AKAP6: variants seen among roughly 807,000 people sequenced by gnomAD.
AKAP6 encodes the protein A-kinase anchor protein 6.
AKAP6 carries 58 observed loss-of-function variants against 188.5 expected under a neutral mutation model. The ratio of observed to expected loss-of-function variants is 0.31; its 90% CI spans 0.25 to 0.38. The LOEUF is 0.38. AKAP6 is among the 10% of genes least tolerant of loss of function. AKAP6 has a pLI of 1.00. For missense variants in AKAP6, 2,710 were observed against 2,740.0 expected, an observed-to-expected ratio of 0.99 and a Z score of 0.24; for synonymous variants, 989 against 998.6, an observed-to-expected ratio of 0.99 and a Z score of 0.18.
intron 7 of AKAP6, among the ~76,000 whole-genome samples, chr14:32,627,621 T>C (rs1005225320): frequency 6.6e-6 from 1 of 152,114 alleles, no homozygotes; most frequent in African/African-American, 2.4e-5. Context: ...GTCTCTTCTC[T>C]TTTTTCTAGC....
At chr14:32,567,502 A>AGTAT (rs1884254377) in intron 4 of AKAP6, among the ~76,000 whole-genome samples, 1 of 152,204 alleles carries the variant, frequency 6.6e-6, no homozygotes. Flanking sequence ...TTGCTCGTTC[A>AGTAT]GTATGATAAA....
intron 1 of AKAP6, among the ~76,000 whole-genome samples, chr14:32,402,546 AATG>A: frequency 6.6e-6 from 1 of 152,264 alleles, no homozygotes; most frequent in Middle Eastern, 3.4e-3. Context: ...CCAAGCTAGA[AATG>A]ATATTTCTTT....
chr14:32,799,725 A>G (rs1286659315), intron 12 of AKAP6, among the ~76,000 whole-genome samples: 1 of 152,050 alleles, frequency 6.6e-6, no homozygotes, highest in Non-Finnish European at 1.5e-5. Context: ...TTTGTGGCCC[A>G]CGTTGTAGTA....
chr14:32,720,340 ATATT>A (rs1473839100), intron 9 of AKAP6, among the ~76,000 whole-genome samples: 1 of 152,216 alleles, frequency 6.6e-6, no homozygotes, highest in Non-Finnish European at 1.5e-5. Flanking sequence ...AGGCAAGTGA[ATATT>A]TATGGTTTTA....
intron 1 of AKAP6, among the ~76,000 whole-genome samples, chr14:32,366,835 T>G (rs1887851542): frequency 6.6e-6 from 1 of 152,106 alleles, no homozygotes; most frequent in African/African-American, 2.4e-5. Flanking sequence ...GGTGTTCAAA[T>G]CTCAGACTTG....
In AKAP6 at chr14:32,708,983, GTTAAC is replaced by G. The variant is rs1890929115; in HGVS notation, c.3000+12878_3000+12882del. On this transcript the variant is annotated intron_variant, in intron 9 of 13. Coordinates refer to ENST00000280979, the MANE Select transcript of AKAP6 (RefSeq NM_004274.5). ...ATAAACCAGGAGCCAAAATCCTCATGTTAACTTAAGTATAAATGAGTCTCTAGGGT... is the reference window on the plus strand; with the variant it reads ...ATAAACCAGGAGCCAAAATCCTCATGTTAAGTATAAATGAGTCTCTAGGGT... 1.3e-5 allele frequency among the ~76,000 whole-genome samples: 2 copies of G among 152,152 alleles called. 1 individual carries two copies. Among genetic ancestry groups the G allele is most frequent in the Middle Eastern group, 6.8e-3 (2 of 294 alleles).
chr14:32,364,718 C>G (rs1887774060), intron 1 of AKAP6, among the ~76,000 whole-genome samples: 1 of 152,020 alleles, frequency 6.6e-6, no homozygotes, highest in Admixed American at 6.6e-5. Flanking sequence ...AAAGAAAAAT[C>G]TTGAGAAGGA....
intron 2 of AKAP6, among the ~76,000 whole-genome samples, chr14:32,456,193 G>A (rs893909098): frequency 6.6e-6 from 1 of 152,002 alleles, no homozygotes; most frequent in African/African-American, 2.4e-5. Context: ...ATGGAAATTG[G>A]CCTAAATGTT....
At chr14:32,555,785 A>T (rs1235596056) in intron 4 of AKAP6, among the ~76,000 whole-genome samples, 4 of 152,090 alleles carry the variant, frequency 2.6e-5, no homozygotes, top group Non-Finnish European at 5.9e-5. Flanking sequence ...TTTCCTTTTT[A>T]GGGCTGAATA....
In AKAP6 at chr14:32,832,410, C is replaced by T. The variant is rs1450018880; in HGVS notation, c.*2605C>T. The T allele has an allele frequency of 6.6e-6, 1 of 152,172 alleles. No homozygotes were observed. Among genetic ancestry groups the T allele is most frequent in the Non-Finnish European group, 1.5e-5 (1 of 68,032 alleles). The allele number at this position is 152,172 out of a possible 1,614,324, so 9.4% of individuals were successfully genotyped here. On this transcript the variant is annotated 3_prime_UTR_variant, in exon 14 of 14. Coordinates refer to ENST00000280979, the MANE Select transcript of AKAP6 (RefSeq NM_004274.5). The stretch of plus-strand genomic sequence containing the variant: ...CAAAGAACAAACTGACAATGATGTT[C>T]TACCTACTTGTTACATGCTCATGGA...
chr14:32,710,062 C>T (rs139053757), intron 9 of AKAP6, among the ~76,000 whole-genome samples: 1 of 152,080 alleles, frequency 6.6e-6, no homozygotes, highest in East Asian at 1.9e-4. Context: ...TTTCAACTAT[C>T]TCTTATTAAC....
Position 32,800,061 on chromosome 14 carries a change from C to CTCTCTCTCTATA in AKAP6, c.3589-21340_3589-21339insCTCTCTCTATAT, listed in dbSNP as rs377693074. On this transcript the variant is annotated intron_variant, in intron 12 of 13. Coordinates refer to ENST00000280979, the MANE Select transcript of AKAP6 (RefSeq NM_004274.5). ...CCTGTCTCTCTCTCTCTCTCTCTCT[C>CTCTCTCTCTATA]TATATATATAGAAATATATATATAT... Among the ~76,000 whole-genome samples the CTCTCTCTCTATA allele has an allele frequency of 4.7e-4, 65 of 136,944 alleles. No individual in the cohort carries two copies. In the South Asian group the frequency reaches 7.3e-3, roughly 15 times the overall value. 89.8% of individuals were successfully genotyped at this position (136,944 alleles called of 152,430 possible). A position where few individuals can be genotyped will look rare whatever the true frequency, so the allele number is the denominator to read the frequency against.
At chr14:32,713,924 G>A (rs776294417) in intron 9 of AKAP6, among the ~76,000 whole-genome samples, 1 of 152,032 alleles carries the variant, frequency 6.6e-6, no homozygotes, top group Non-Finnish European at 1.5e-5. Flanking sequence ...TGGCACAAGA[G>A]GCCTCGTTTT....
Position 32,568,210 on chromosome 14 carries a change from C to A in AKAP6, c.2347-8910C>A, listed in dbSNP as rs557203478. On this transcript the variant is annotated intron_variant, in intron 4 of 13. Coordinates refer to ENST00000280979, the MANE Select transcript of AKAP6 (RefSeq NM_004274.5). This position sits in a 1 kb window ranked among gnomAD's most constrained non-coding sequence, Gnocchi z 6.2. The stretch of plus-strand genomic sequence containing the variant: ...AATGTGACTGTCCTTTGTTTCCTCT[C>A]TATGGACTTTGTGGGAACAAATCTG... Among the ~76,000 whole-genome samples, 3 of 152,240 alleles carry A rather than the reference C, an allele frequency of 2.0e-5. No individual in the cohort carries two copies. The highest frequency in any genetic ancestry group is 4.2e-4 in the South Asian group (2 of 4,816).
intron 2 of AKAP6, among the ~76,000 whole-genome samples, chr14:32,511,009 T>C (rs902766256): frequency 6.6e-6 from 1 of 152,198 alleles, no homozygotes; most frequent in Non-Finnish European, 1.5e-5. Context: ...ATCATCTGTT[T>C]AGAGTGTTAG....
chr14:32,595,404 T>C (rs1885652967), intron 5 of AKAP6, among the ~76,000 whole-genome samples: 1 of 152,122 alleles, frequency 6.6e-6, no homozygotes. Flanking sequence ...AAATCAGTTC[T>C]TTCTCCACAA....
Position 32,546,883 on chromosome 14 carries a change from G to A in AKAP6, c.2230G>A (p.Ala744Thr). The change falls in exon 4 of 14, where the codon GCT (alanine) becomes ACT (threonine). Residue 744 changes from alanine to threonine, a missense_variant. Physicochemically the swap from Ala to Thr is moderately conservative, Grantham distance 58. This residue lies in a region of AKAP6 where 2,473 missense variants were observed against 2,426.1 expected (regional missense o/e 1.02). Transcript: ENST00000280979. ...KKYADEKSER[A>T]SSSEKNESHS... ...GTATGCTGATGAGAAGTCAGAAAGAGCTTCATCCTCTGAGAAAAATGAGAG... is the reference window on the plus strand; with the variant it reads ...GTATGCTGATGAGAAGTCAGAAAGAACTTCATCCTCTGAGAAAAATGAGAG... 6.2e-7 allele frequency: 1 copy of A among 1,614,002 alleles called. No individual in the cohort carries two copies. Among genetic ancestry groups the A allele is most frequent in the East Asian group, 2.2e-5 (1 of 44,880 alleles).
chr14:32,599,635 T>C (rs1885841658), intron 6 of AKAP6, 129 bp downstream of exon 6: 1 of 651,020 alleles, frequency 1.5e-6, no homozygotes, highest in African/African-American at 1.8e-5. Context: ...CAGATTGACC[T>C]TCAAGATTTA....
intron 7 of AKAP6, among the ~76,000 whole-genome samples, chr14:32,613,991 A>G (rs576121863): frequency 4.1e-4 from 62 of 152,318 alleles, no homozygotes; most frequent in African/African-American, 1.4e-3. Flanking sequence ...TTTAGAGTGA[A>G]ATCATCTCAT....
Sources: gnomAD v4.1 joint callset for allele counts (sites outside exome capture counted in the v4.1 genomes callset) on GRCh38, gnomAD v4.1.1 for gene constraint, gnomAD v4.1.1 regional missense constraint, Gnocchi (gnomAD v3.1) non-coding constraint, MANE v1.5 for transcripts, NCBI Gene and HGNC (gene_info 2026-07-23, HGNC 2026-07-21) for gene names.